Variants in GNB1L observed in about 807,000 individuals in gnomAD.
GNB1L encodes the protein G protein subunit beta 1 like.
Under a neutral mutation model 29.1 loss-of-function variants are expected in GNB1L, and 20 were observed. The ratio of observed to expected loss-of-function variants is 0.69; its 90% CI spans 0.48 to 1.00. The LOEUF is 1.00. GNB1L is among the 50% of genes least tolerant of loss of function. The pLI, the probability that GNB1L is intolerant of heterozygous loss-of-function variation, is 0.00. For missense variants in GNB1L, 421 were observed against 464.9 expected, an observed-to-expected ratio of 0.91 and a Z score of 0.87; for synonymous variants, 193 against 206.5, an observed-to-expected ratio of 0.93 and a Z score of 0.56.
chr22:19,811,700 C>A (rs751690532), intron 5 of GNB1L, among the ~76,000 whole-genome samples: 4 of 152,142 alleles, frequency 2.6e-5, no homozygotes, highest in Non-Finnish European at 5.9e-5. Context: ...CCCCCCACCC[C>A]CTGGGTGTTC....
intron 2 of GNB1L, among the ~76,000 whole-genome samples, chr22:19,841,344 C>T (rs1277412582): frequency 6.6e-6 from 1 of 152,130 alleles, no homozygotes; most frequent in Non-Finnish European, 1.5e-5. Context: ...ATTTAATTTA[C>T]ACTAATGTAT....
In GNB1L at chr22:19,821,116, A is replaced by T. The variant is rs982729553; in HGVS notation, c.128+112T>A. 224 of 1,066,134 alleles carry T rather than the reference A, an allele frequency of 2.1e-4. 1 individual carries two copies. The highest frequency in any genetic ancestry group is 2.7e-4 in the Non-Finnish European group (199 of 733,764). 66.0% of individuals were successfully genotyped at this position (1,066,134 alleles called of 1,614,324 possible). ...GAAAGCTCAGCAAGCCTGGGTGGCGAGCAGTCCATGCCCCTTGGCCAGCAC... is the reference window on the plus strand; with the variant it reads ...GAAAGCTCAGCAAGCCTGGGTGGCGTGCAGTCCATGCCCCTTGGCCAGCAC... On this transcript the variant is annotated intron_variant, in intron 3 of 7. Transcript: ENST00000329517.
intron 2 of GNB1L, among the ~76,000 whole-genome samples, chr22:19,828,983 C>T (rs1306243621): frequency 6.6e-6 from 1 of 152,172 alleles, no homozygotes; most frequent in Non-Finnish European, 1.5e-5. Flanking sequence ...AGGCACACGC[C>T]ACAGTGCCCG....
At chr22:19,850,712 A>G in intron 2 of GNB1L, 1 of 1,234,872 alleles carries the variant, frequency 8.1e-7, no homozygotes, top group Non-Finnish European at 1.0e-6. Context: ...GGGTGGGGCT[A>G]GGGGGACAGA....
intron 6 of GNB1L, 91 bp downstream of exon 6, chr22:19,806,568 T>G (rs1224261462): frequency 1.0e-5 from 8 of 783,622 alleles, no homozygotes. Flanking sequence ...GTTGCCTGAG[T>G]GGCTCGACGA....
intron 2 of GNB1L, among the ~76,000 whole-genome samples, chr22:19,830,908 T>C (rs976115714): frequency 6.6e-6 from 1 of 152,142 alleles, no homozygotes; most frequent in African/African-American, 2.4e-5. Context: ...AAAGAGGTGG[T>C]ATCTCACATC....
intron 7 of GNB1L, among the ~76,000 whole-genome samples, chr22:19,798,643 C>G (rs1335778784): frequency 6.6e-6 from 1 of 151,898 alleles, no homozygotes; most frequent in African/African-American, 2.4e-5. Flanking sequence ...CCTGGCTGTG[C>G]CTACCCACCA....
In GNB1L at chr22:19,837,162, C is replaced by T. The variant is rs550831283; in HGVS notation, c.-20-15787G>A. Reference sequence around the variant, plus strand: ...TTTGTATTTTTAGTAGAGACGGGGTCTCACCGTGTTAGCCAGGATGGTGTT... The same window carrying T: ...TTTGTATTTTTAGTAGAGACGGGGTTTCACCGTGTTAGCCAGGATGGTGTT... On this transcript the variant is annotated intron_variant, in intron 2 of 7. Coordinates refer to ENST00000329517, the MANE Select transcript of GNB1L (RefSeq NM_053004.3). Among the ~76,000 whole-genome samples the T allele has an allele frequency of 7.4e-3, 1,121 of 152,070 alleles. 3 individuals are homozygous for T. Among genetic ancestry groups the T allele is most frequent in the Non-Finnish European group, 0.01 (695 of 67,954 alleles).
chr22:19,792,911 G>C, intron 7 of GNB1L: 1 of 1,194,614 alleles, frequency 8.4e-7, no homozygotes, highest in Non-Finnish European at 1.2e-6. Context: ...CCTTCACATA[G>C]GTGAACTCGG....
At chr22:19,850,727 G>A in intron 2 of GNB1L, 1 of 1,237,470 alleles carries the variant, frequency 8.1e-7, no homozygotes. Context: ...GACAGACACA[G>A]AAACCCCATA....
At chr22:19,814,720 G>A (rs984965053) in intron 4 of GNB1L, among the ~76,000 whole-genome samples, 4 of 152,148 alleles carry the variant, frequency 2.6e-5, no homozygotes, top group African/African-American at 9.7e-5. Context: ...AACCCAACCT[G>A]AGGGGCGTTC....
chr22:19,826,246 G>A (rs987258120), intron 2 of GNB1L, among the ~76,000 whole-genome samples: 10 of 152,118 alleles, frequency 6.6e-5, no homozygotes, highest in Non-Finnish European at 8.8e-5. Flanking sequence ...CTACACCCAC[G>A]GATGCCAGAA....
intron 2 of GNB1L, among the ~76,000 whole-genome samples, chr22:19,829,741 T>A (rs1569050397): frequency 6.6e-6 from 1 of 152,144 alleles, no homozygotes; most frequent in African/African-American, 2.4e-5. Context: ...AGAAAAAGCA[T>A]GTAATTATCT....
chr22:19,808,857 T>C (rs1315870209), intron 5 of GNB1L, among the ~76,000 whole-genome samples: 1 of 152,174 alleles, frequency 6.6e-6, no homozygotes, highest in Non-Finnish European at 1.5e-5. Flanking sequence ...CAAGCTGTCA[T>C]TGGGTGTTGC....
intron 7 of GNB1L, among the ~76,000 whole-genome samples, chr22:19,789,267 C>T (rs1326773478): frequency 1.3e-5 from 2 of 152,144 alleles, no homozygotes; most frequent in Non-Finnish European, 2.9e-5. Flanking sequence ...GGCTGGGTCC[C>T]GGGACCCCTC....
intron 7 of GNB1L, among the ~76,000 whole-genome samples, chr22:19,793,344 T>TA (rs1375720373): frequency 9.2e-5 from 14 of 152,154 alleles, no homozygotes; most frequent in Non-Finnish European, 1.9e-4. Context: ...GAAATATATA[T>TA]TTTTTAAAGT....
chr22:19,820,222 C>T (rs1042836428), intron 4 of GNB1L, among the ~76,000 whole-genome samples: 4 of 152,166 alleles, frequency 2.6e-5, no homozygotes, highest in Non-Finnish European at 5.9e-5. Flanking sequence ...CTCCTCTCAG[C>T]AAATGCCCTC....
chr22:19,833,791 G>A (rs1937719134), intron 2 of GNB1L, among the ~76,000 whole-genome samples: 1 of 151,952 alleles, frequency 6.6e-6, no homozygotes, highest in Non-Finnish European at 1.5e-5. Context: ...GCTTGAAACT[G>A]GGAGGCGGAG....
At chr22:19,820,442 G>A (rs918204723) in intron 4 of GNB1L, among the ~76,000 whole-genome samples, 156 bp downstream of exon 4, 25 of 152,308 alleles carry the variant, frequency 1.6e-4, no homozygotes, top group East Asian at 3.9e-4. Context: ...ACAAGGGGCT[G>A]GACCTGCACA....
Sources: gnomAD v4.1 joint callset for allele counts (sites outside exome capture counted in the v4.1 genomes callset) on GRCh38, gnomAD v4.1.1 for gene constraint, MANE v1.5 for transcripts, NCBI Gene and HGNC (gene_info 2026-07-23, HGNC 2026-07-21) for gene names.